The following MIOS variants were observed in gnomAD, a reference collection of about 807,000 sequenced individuals.
MIOS encodes the protein meiosis regulator for oocyte development.
Under a neutral mutation model 96.9 loss-of-function variants are expected in MIOS, and 52 were observed. That is an observed-to-expected ratio of 0.54 (90% confidence interval 0.43 to 0.68). MIOS has a LOEUF of 0.68. MIOS is among the 30% of genes least tolerant of loss of function. MIOS has a pLI of 0.00. For synonymous variants in MIOS, 397 were observed against 359.5 expected (o/e 1.10, Z -1.18); for missense variants, 1,005 against 1,052.8 (o/e 0.95, Z 0.63).
In MIOS at chr7:7,607,991, T is replaced by C. The variant is rs1784576378; in HGVS notation, c.*899T>C. On this transcript the variant is annotated 3_prime_UTR_variant, in exon 13 of 13. Coordinates refer to ENST00000340080, the MANE Select transcript of MIOS (RefSeq NM_019005.4). ...ATGTAACTAGCCATTTAGTATAATC[T>C]ATGTCAGTGTTTCTGTGCTGTCAAA... 1 of 152,268 alleles carries C rather than the reference T, an allele frequency of 6.6e-6. No homozygotes were observed. Among genetic ancestry groups the C allele is most frequent in the East Asian group, 1.9e-4 (1 of 5,184 alleles). The allele number at this position is 152,268 out of a possible 1,614,324, so 9.4% of individuals were successfully genotyped here.
chr7:7,587,795 A>T (rs919315587), intron 7 of MIOS, among the ~76,000 whole-genome samples: 3 of 152,208 alleles, frequency 2.0e-5, no homozygotes, highest in African/African-American at 7.2e-5. Flanking sequence ...TCATAGGATG[A>T]CTTCAGTGGA....
intron 7 of MIOS, among the ~76,000 whole-genome samples, chr7:7,586,473 A>G (rs1440559088): frequency 1.3e-5 from 2 of 152,224 alleles, no homozygotes; most frequent in African/African-American, 2.4e-5. Flanking sequence ...TAAGCTAAAC[A>G]ATAGTACTAC....
chr7:7,603,956 G>T (rs575207515), intron 11 of MIOS, among the ~76,000 whole-genome samples: 1 of 151,756 alleles, frequency 6.6e-6, no homozygotes, highest in Non-Finnish European at 1.5e-5. Context: ...GCAAACTATC[G>T]CAAGGACAAA....
Position 7,585,618 on chromosome 7 carries a change from G to C in MIOS, c.1649-18G>C. Reference sequence around the variant, plus strand: ...AGCTTTTGATCACTTTGATTAGCTGGCTGTTTTTAATATGCAGGAGATCTG... The same window carrying C: ...AGCTTTTGATCACTTTGATTAGCTGCCTGTTTTTAATATGCAGGAGATCTG... On this transcript the variant is annotated intron_variant, in intron 6 of 12. Transcript: ENST00000340080. 6.4e-7 allele frequency: 1 copy of C among 1,559,420 alleles called. No homozygotes were observed. Among genetic ancestry groups the C allele is most frequent in the Non-Finnish European group, 8.7e-7 (1 of 1,152,924 alleles).
intron 1 of MIOS, 144 bp from the exon 2 acceptor site, chr7:7,567,463 T>G (rs1187563164): frequency 1.3e-5 from 2 of 151,280 alleles, no homozygotes; most frequent in African/African-American, 4.9e-5. Context: ...AATACTATAC[T>G]TCTTAAACGG....
In MIOS at chr7:7,571,306, T is replaced by G. The variant is rs139199187; in HGVS notation, c.-40-1130T>G. ...AGTTCGTGTGCTTCTACTGCTAGAA[T>G]ATTTATTTTTTTCAAAAATTCTACT... On this transcript the variant is annotated intron_variant, in intron 3 of 12. Coordinates refer to ENST00000340080, the MANE Select transcript of MIOS (RefSeq NM_019005.4). Among the ~76,000 whole-genome samples, 248 of 152,362 alleles carry G rather than the reference T, an allele frequency of 1.6e-3. 2 individuals are homozygous for G. The highest frequency in any genetic ancestry group is 5.9e-3 in the African/African-American group (244 of 41,586).
At chr7:7,590,073 T>C (rs1051563532) in intron 9 of MIOS, among the ~76,000 whole-genome samples, 3 of 152,228 alleles carry the variant, frequency 2.0e-5, no homozygotes, top group African/African-American at 7.2e-5. Flanking sequence ...CTGTCTACTT[T>C]ACTTTTGCTG....
intron 5 of MIOS, among the ~76,000 whole-genome samples, chr7:7,580,967 A>G (rs959631035): frequency 5.4e-5 from 8 of 149,116 alleles, no homozygotes; most frequent in African/African-American, 1.5e-4. Context: ...GATTACAGGC[A>G]TGAGCCACGG....
Position 7,585,621 on chromosome 7 carries a change from G to C in MIOS, c.1649-15G>C. On this transcript the variant is annotated splice_polypyrimidine_tract_variant and intron_variant, in intron 6 of 12. Transcript: ENST00000340080. Reference sequence around the variant, plus strand: ...TTTTGATCACTTTGATTAGCTGGCTGTTTTTAATATGCAGGAGATCTGAAT... The same window carrying C: ...TTTTGATCACTTTGATTAGCTGGCTCTTTTTAATATGCAGGAGATCTGAAT... 1.3e-6 allele frequency: 2 copies of C among 1,565,736 alleles called. No homozygotes were observed.
intron 5 of MIOS, among the ~76,000 whole-genome samples, chr7:7,581,466 C>T (rs529418326): frequency 1.3e-5 from 2 of 152,242 alleles, no homozygotes; most frequent in South Asian, 2.1e-4. Flanking sequence ...TTTACTATCT[C>T]GTCATTTCCA....
intron 11 of MIOS, among the ~76,000 whole-genome samples, chr7:7,600,573 C>A (rs1015136324): frequency 4.9e-4 from 75 of 152,118 alleles, no homozygotes; most frequent in African/African-American, 1.8e-3. Flanking sequence ...AAAGCAAGTC[C>A]TTAGTGACCT....
In MIOS at chr7:7,573,138, C is replaced by G; in HGVS notation, c.663C>G (p.Phe221Leu). The G allele has an allele frequency of 6.2e-7, 1 of 1,614,018 alleles. No homozygotes were observed. Among genetic ancestry groups the G allele is most frequent in the South Asian group, 1.1e-5 (1 of 91,066 alleles). ...FDLRNTSQKM[F>L]VNTKAVQGVT... is the part of the protein sequence containing the mutation. ...TTCGGAATACAAGCCAAAAGATGTT[C>G]GTAAATACAAAAGCTGTTCAGGGTG... Residue 221 changes from phenylalanine (F) to leucine (L), a missense_variant, in exon 4 of 13, where the codon TTC (phenylalanine) becomes TTG (leucine). This residue lies in a region of MIOS where 865 missense variants were observed against 887.9 expected (regional missense o/e 0.97). Transcript: ENST00000340080. The surrounding 1 kb of genome is among the most constrained non-coding windows in gnomAD (Gnocchi z 5.0).
intron 1 of MIOS, 149 bp downstream of exon 1, chr7:7,567,221 C>CTGGCCGGCCGGCCGG (rs1783171314): frequency 6.6e-6 from 1 of 152,288 alleles, no homozygotes; most frequent in Non-Finnish European, 1.5e-5. Context: ...CGGCCGGCCG[C>CTGGCCGGCCGGCCGG]CTGGCCGGGC....
intron 11 of MIOS, among the ~76,000 whole-genome samples, chr7:7,600,346 C>G (rs1421600072): frequency 6.6e-6 from 1 of 151,902 alleles, no homozygotes; most frequent in Non-Finnish European, 1.5e-5. Flanking sequence ...CAGAGACACA[C>G]ATAGGCTCAA....
intron 5 of MIOS, among the ~76,000 whole-genome samples, chr7:7,579,653 T>C (rs1783648377): frequency 6.6e-6 from 1 of 152,118 alleles, no homozygotes; most frequent in Admixed American, 6.5e-5. Context: ...AGCTAAAAAA[T>C]AAAAAAGTTC....
intron 5 of MIOS, chr7:7,582,485 C>A: frequency 4.6e-6 from 1 of 219,606 alleles, no homozygotes; most frequent in African/African-American, 2.3e-5. Context: ...AGGGTTTGTT[C>A]TGAAAAAAGA....
intron 11 of MIOS, among the ~76,000 whole-genome samples, chr7:7,599,586 A>G (rs983519935): frequency 1.1e-4 from 17 of 152,194 alleles, no homozygotes; most frequent in African/African-American, 4.1e-4. Flanking sequence ...TGTAAAAAAC[A>G]TGAACTAGGG....
At chr7:7,606,198 A>C in intron 12 of MIOS, 127 bp downstream of exon 12, 2 of 1,239,548 alleles carry the variant, frequency 1.6e-6, no homozygotes, top group Non-Finnish European at 2.2e-6. Context: ...ACTGTCACTC[A>C]TGTTAACAAA....
intron 11 of MIOS, among the ~76,000 whole-genome samples, chr7:7,597,114 C>G (rs918625802): frequency 2.6e-5 from 4 of 151,990 alleles, no homozygotes; most frequent in African/African-American, 4.8e-5. Flanking sequence ...ATCACAAGGT[C>G]AGAAGATCAA....
Sources: gnomAD v4.1 joint callset for allele counts (sites outside exome capture counted in the v4.1 genomes callset) on GRCh38, gnomAD v4.1.1 for gene constraint, gnomAD v4.1.1 regional missense constraint, Gnocchi (gnomAD v3.1) non-coding constraint, MANE v1.5 for transcripts, NCBI Gene and HGNC (gene_info 2026-07-23, HGNC 2026-07-21) for gene names.